Variants in BNC2 observed in about 807,000 individuals in gnomAD.
BNC2 encodes basonuclin zinc finger protein 2.
In BNC2, 20 loss-of-function variants were observed where a neutral mutation model predicts 76.3. The observed-to-expected ratio is 0.26, with a 90% CI of 0.18 to 0.38. The LOEUF (loss-of-function observed/expected upper bound fraction) is 0.38. Among genes scored for constraint, BNC2 ranks in the 10% least tolerant of loss-of-function variants. The pLI is 1.00. For missense variants in BNC2, 1,382 were observed against 1,399.8 expected (o/e 0.99, Z 0.20); for synonymous variants, 582 against 514.8 (o/e 1.13, Z -1.77).
intron 5 of BNC2, among the ~76,000 whole-genome samples, chr9:16,527,272 G>GGAT (rs946861102): frequency 4.6e-5 from 7 of 152,128 alleles, no homozygotes; most frequent in African/African-American, 1.7e-4. Flanking sequence ...AAACATCAGA[G>GGAT]GATGATGATG....
chr9:16,759,117 G>A (rs1041473862), intron 1 of BNC2, among the ~76,000 whole-genome samples: 1 of 151,966 alleles, frequency 6.6e-6, no homozygotes, highest in African/African-American at 2.4e-5. Context: ...AAAAACCAAC[G>A]TACAGAAATG....
chr9:16,849,115 G>C (rs1819063275), intron 1 of BNC2, among the ~76,000 whole-genome samples: 1 of 152,106 alleles, frequency 6.6e-6, no homozygotes, highest in Non-Finnish European at 1.5e-5. Context: ...TTTTAAATGA[G>C]AAAATTCCAG....
At chr9:16,639,602 A>C (rs1212425404) in intron 3 of BNC2, among the ~76,000 whole-genome samples, 1 of 151,772 alleles carries the variant, frequency 6.6e-6, no homozygotes, top group Non-Finnish European at 1.5e-5. Context: ...TTACAACAAC[A>C]CATGTGAAAA....
chr9:16,482,181 A>G (rs1822070999), intron 5 of BNC2, among the ~76,000 whole-genome samples: 1 of 152,210 alleles, frequency 6.6e-6, no homozygotes, highest in Admixed American at 6.5e-5. Context: ...TAGATCCATA[A>G]TTGTGTTTTA....
chr9:16,551,147 C>T (rs1587159757), intron 5 of BNC2, among the ~76,000 whole-genome samples: 2 of 152,110 alleles, frequency 1.3e-5, no homozygotes, highest in African/African-American at 2.4e-5. Context: ...AAACTGAAAA[C>T]GTAATATATA....
Position 16,552,831 on chromosome 9 carries a change from G to A in BNC2, c.434-66C>T, listed in dbSNP as rs115383098. The A allele has an allele frequency of 3.7e-3, 4,964 of 1,339,746 alleles. 100 individuals are homozygous for A. The highest frequency in any genetic ancestry group is 0.035 in the South Asian group (2,921 of 84,044). 83.0% of individuals were successfully genotyped at this position (1,339,746 alleles called of 1,614,324 possible). Reference sequence around the variant, plus strand: ...GGAATAAGATAAAGAGAGAGAACAGGAGTTAGAAATATTGCTGGAAGTTAC... The same window carrying A: ...GGAATAAGATAAAGAGAGAGAACAGAAGTTAGAAATATTGCTGGAAGTTAC... On this transcript the variant is annotated intron_variant, in intron 4 of 6. Coordinates refer to ENST00000380672, the MANE Select transcript of BNC2 (RefSeq NM_017637.6).
intron 3 of BNC2, among the ~76,000 whole-genome samples, chr9:16,686,977 C>G (rs1422859252): frequency 6.6e-6 from 1 of 152,064 alleles, no homozygotes. Context: ...CACGTGCAGG[C>G]CAATGCGCGA....
chr9:16,481,539 G>A (rs149085571), intron 5 of BNC2, among the ~76,000 whole-genome samples: 1 of 152,116 alleles, frequency 6.6e-6, no homozygotes, highest in African/African-American at 2.4e-5. Flanking sequence ...GCCACCTTAA[G>A]AGCTGTAACA....
At chr9:16,674,556 A>G (rs1822579394) in intron 3 of BNC2, among the ~76,000 whole-genome samples, 1 of 152,082 alleles carries the variant, frequency 6.6e-6, no homozygotes, top group Non-Finnish European at 1.5e-5. Context: ...CAGGCAAGCA[A>G]AAAGGTTTTT....
chr9:16,570,982 A>T (rs1819306647), intron 4 of BNC2, among the ~76,000 whole-genome samples: 1 of 152,198 alleles, frequency 6.6e-6, no homozygotes, highest in East Asian at 1.9e-4. Context: ...CTAATTAGAA[A>T]ATTTCTAATT....
At chr9:16,831,736 G>A (rs1485017779) in intron 1 of BNC2, among the ~76,000 whole-genome samples, 1 of 152,146 alleles carries the variant, frequency 6.6e-6, no homozygotes, top group African/African-American at 2.4e-5. Flanking sequence ...TCTACTGTGT[G>A]TTTTAAAAAC....
intron 1 of BNC2, among the ~76,000 whole-genome samples, chr9:16,793,714 T>A (rs2812002): frequency 2.1e-5 from 3 of 141,460 alleles, no homozygotes; most frequent in African/African-American, 8.0e-5. Context: ...CCCCCAGGCT[T>A]GAGTGCAGTG....
chr9:16,483,803 A>G (rs543522896), intron 5 of BNC2, among the ~76,000 whole-genome samples: 2 of 152,322 alleles, frequency 1.3e-5, no homozygotes, highest in South Asian at 2.1e-4. Flanking sequence ...TCCCTGAGCA[A>G]AAGGACTTGA....
At position 16,437,537 on chromosome 9, in the gene BNC2, T is replaced by A. The variant is rs113519552; in HGVS notation, c.670-13A>T. The A allele has an allele frequency of 1.2e-6, 2 of 1,609,800 alleles. No homozygotes were observed. The highest frequency in any genetic ancestry group is 1.7e-6 in the Non-Finnish European group (2 of 1,179,876). On this transcript the variant is annotated splice_polypyrimidine_tract_variant and intron_variant, in intron 5 of 6. Transcript: ENST00000380672. The stretch of plus-strand genomic sequence containing the variant: ...TGCCAGCAGCATCCTAGAGGCCACA[T>A]CAAAGAAACAACAAAGACAAACACA...
At chr9:16,842,346 T>G (rs186496801) in intron 1 of BNC2, among the ~76,000 whole-genome samples, 60 of 152,338 alleles carry the variant, frequency 3.9e-4, no homozygotes, top group Middle Eastern at 3.4e-3. Context: ...CGAATGGGTG[T>G]TTGGCACTTG....
intron 1 of BNC2, among the ~76,000 whole-genome samples, chr9:16,857,306 C>T (rs1379767304): frequency 6.6e-6 from 1 of 151,544 alleles, no homozygotes; most frequent in Non-Finnish European, 1.5e-5. Context: ...GGTGAAACCC[C>T]GTCTAAACAT....
intron 4 of BNC2, among the ~76,000 whole-genome samples, chr9:16,581,832 C>T (rs548471215): frequency 2.6e-4 from 40 of 152,238 alleles, no homozygotes; most frequent in African/African-American, 9.1e-4. Flanking sequence ...AGCAGGAAAG[C>T]GCTCTATCCC....
At chr9:16,647,578 G>A (rs538015106) in intron 3 of BNC2, among the ~76,000 whole-genome samples, 1 of 152,204 alleles carries the variant, frequency 6.6e-6, no homozygotes, top group East Asian at 1.9e-4. Context: ...AGTGTAAGAT[G>A]ACAATGACTT....
intron 5 of BNC2, among the ~76,000 whole-genome samples, chr9:16,539,422 G>A (rs1432030705): frequency 6.6e-6 from 1 of 151,252 alleles, no homozygotes; most frequent in Admixed American, 6.6e-5. Flanking sequence ...CAGCTGCTCG[G>A]GAGGCTGAGG....
Sources: gnomAD v4.1 joint callset for allele counts (sites outside exome capture counted in the v4.1 genomes callset) on GRCh38, gnomAD v4.1.1 for gene constraint, MANE v1.5 for transcripts, NCBI Gene and HGNC (gene_info 2026-07-23, HGNC 2026-07-21) for gene names.